RARB: variants seen among roughly 807,000 people sequenced by gnomAD.
The protein encoded by RARB is retinoic acid receptor beta, also known as HBV-activated protein.
Under a neutral mutation model 51.9 loss-of-function variants are expected in RARB, and 17 were observed. The observed-to-expected ratio is 0.33, with a 90% CI of 0.22 to 0.49. The LOEUF is 0.49. Among genes scored for constraint, RARB ranks in the 20% least tolerant of loss-of-function variants. The pLI is 0.99. For synonymous variants in RARB, 215 were observed against 195.4 expected (o/e 1.10, Z -0.84); for missense variants, 369 against 550.8 (o/e 0.67, Z 3.30).
intron 2 of RARB, among the ~76,000 whole-genome samples, chr3:24,918,053 A>C (rs909719379): frequency 3.9e-5 from 6 of 152,220 alleles, no homozygotes; most frequent in African/African-American, 1.4e-4. Flanking sequence ...CTAGCATGCT[A>C]TGCAAACGAA....
chr3:25,573,808 G>A (rs894587119), intron 4 of RARB, among the ~76,000 whole-genome samples: 1 of 152,174 alleles, frequency 6.6e-6, no homozygotes, highest in Admixed American at 6.5e-5. Context: ...AATAAGAAAG[G>A]CAGCCAACTG....
chr3:25,000,804 A>T (rs1306721265), intron 2 of RARB, among the ~76,000 whole-genome samples: 1 of 152,186 alleles, frequency 6.6e-6, no homozygotes, highest in African/African-American at 2.4e-5. Context: ...ACTACAGTTC[A>T]CACCAGCTTA....
intron 5 of RARB, among the ~76,000 whole-genome samples, chr3:25,373,987 G>A (rs985390336): frequency 6.6e-6 from 1 of 152,160 alleles, no homozygotes; most frequent in African/African-American, 2.4e-5. Flanking sequence ...AAAATAAAAT[G>A]AGGGCAGCTC....
intron 4 of RARB, among the ~76,000 whole-genome samples, chr3:25,579,110 A>T (rs1039859750): frequency 7.2e-5 from 11 of 152,238 alleles, no homozygotes; most frequent in African/African-American, 2.7e-4. Context: ...TGGTTTTCTC[A>T]TATATATCAC....
At chr3:24,988,711 T>C (rs1696847218) in intron 2 of RARB, among the ~76,000 whole-genome samples, 1 of 152,244 alleles carries the variant, frequency 6.6e-6, no homozygotes, top group Admixed American at 6.5e-5. Flanking sequence ...TATCAAATTA[T>C]TGTTAGACAT....
rs1695493550 is a variant in RARB at position 25,467,586 on chromosome 3, T to C, written c.306+6245T>C. On this transcript the variant is annotated intron_variant, in intron 2 of 7. Transcript: ENST00000330688. ...CACCCTCTGCTTGTATCACATTTGC[T>C]AATATCCCCTTGGCCAAACAAATTG... Among the ~76,000 whole-genome samples, 6 of 147,780 alleles carry C rather than the reference T, an allele frequency of 4.1e-5. No individual in the cohort carries two copies. In the South Asian group the frequency reaches 1.3e-3, roughly 32 times the overall value.
At chr3:25,397,952 C>T (rs1707159879) in intron 5 of RARB, among the ~76,000 whole-genome samples, 1 of 151,520 alleles carries the variant, frequency 6.6e-6, no homozygotes, top group South Asian at 2.1e-4. Flanking sequence ...GGTTATAATT[C>T]TTATATAACC....
intron 4 of RARB, among the ~76,000 whole-genome samples, chr3:25,146,503 G>GTT (rs1364462708): frequency 2.7e-5 from 2 of 73,586 alleles, no homozygotes; most frequent in African/African-American, 7.7e-5. Context: ...TTTTTTGTTT[G>GTT]TTTGTTTGTT....
intron 2 of RARB, among the ~76,000 whole-genome samples, chr3:24,929,034 A>G (rs920792624): frequency 1.3e-5 from 2 of 152,000 alleles, no homozygotes; most frequent in African/African-American, 4.8e-5. Context: ...TGAAATGTCT[A>G]TTGTGTTTTA....
In RARB at chr3:25,554,869, T is replaced by C. The variant is rs564081825; in HGVS notation, c.449-14889T>C. Among the ~76,000 whole-genome samples, 3 of 152,234 alleles carry C rather than the reference T, an allele frequency of 2.0e-5. No homozygotes were observed. The East Asian group carries it at 5.8e-4, about 29-fold the overall frequency. Reference sequence around the variant, plus strand: ...GGCCTCATATGGCAAGAGGATTGGGTGTGTTAACATGCCAGCCCACGTCTC... The same window carrying C: ...GGCCTCATATGGCAAGAGGATTGGGCGTGTTAACATGCCAGCCCACGTCTC... On this transcript the variant is annotated intron_variant, in intron 3 of 7. Transcript: ENST00000330688.
chr3:25,316,958 C>T (rs939750160), intron 5 of RARB, among the ~76,000 whole-genome samples: 1 of 152,134 alleles, frequency 6.6e-6, no homozygotes, highest in Non-Finnish European at 1.5e-5. Context: ...CACCCCAGGT[C>T]ATTTAGCCAA....
chr3:25,264,658 T>C (rs898669755), intron 5 of RARB, among the ~76,000 whole-genome samples: 23 of 152,172 alleles, frequency 1.5e-4, no homozygotes, highest in Non-Finnish European at 2.6e-4. Context: ...TAAAAACATA[T>C]AATTATGGTA....
chr3:24,973,307 A>T (rs576715251), intron 2 of RARB, among the ~76,000 whole-genome samples: 3 of 151,940 alleles, frequency 2.0e-5, no homozygotes, highest in East Asian at 3.9e-4. Flanking sequence ...TTATATCTGG[A>T]TTCTCTATTC....
chr3:24,976,136 A>G (rs949473157), intron 2 of RARB, among the ~76,000 whole-genome samples: 11 of 152,196 alleles, frequency 7.2e-5, no homozygotes, highest in African/African-American at 2.7e-4. Flanking sequence ...TCCATGGTAT[A>G]TATGTGCCAC....
At chr3:24,952,434 T>C (rs1695914494) in intron 2 of RARB, among the ~76,000 whole-genome samples, 3 of 152,160 alleles carry the variant, frequency 2.0e-5, no homozygotes, top group African/African-American at 4.8e-5. Context: ...TAGGTTTTCC[T>C]TTACTAAAAT....
intron 2 of RARB, among the ~76,000 whole-genome samples, chr3:24,871,126 G>A (rs1702939146): frequency 6.6e-6 from 1 of 151,926 alleles, no homozygotes. Context: ...AACTTATGTT[G>A]ATGACCAACC....
intron 2 of RARB, among the ~76,000 whole-genome samples, chr3:24,998,199 C>A (rs1439288040): frequency 6.6e-6 from 1 of 150,840 alleles, no homozygotes; most frequent in Non-Finnish European, 1.5e-5. Flanking sequence ...TATTGTAGTT[C>A]TTGGGCTAAT....
intron 3 of RARB, among the ~76,000 whole-genome samples, chr3:25,094,743 G>GAAAAAAAAAAAAAAAAAAAAAAAAAAA: frequency 1.2e-5 from 1 of 86,954 alleles, no homozygotes. Flanking sequence ...AAAAAAAAAG[G>GAAAAAAAAAAAAAAAAAAAAAAAAAAA]AAACTGCAAC....
At chr3:25,002,242 C>T (rs1016168902) in intron 2 of RARB, among the ~76,000 whole-genome samples, 6 of 152,204 alleles carry the variant, frequency 3.9e-5, no homozygotes, top group African/African-American at 1.4e-4. Context: ...GGGCAGAGCA[C>T]ACTTCCCACG....
Sources: gnomAD v4.1 joint callset for allele counts (sites outside exome capture counted in the v4.1 genomes callset) on GRCh38, gnomAD v4.1.1 for gene constraint, MANE v1.5 for transcripts, NCBI Gene and HGNC (gene_info 2026-07-23, HGNC 2026-07-21) for gene names.